Variants in TFAP2E observed in about 807,000 individuals in gnomAD.
The protein encoded by TFAP2E is transcription factor AP-2 epsilon.
In TFAP2E, 30 loss-of-function variants were observed where a neutral mutation model predicts 37.9. The observed-to-expected ratio is 0.79, with a 90% confidence interval of 0.59 to 1.07. TFAP2E has a LOEUF of 1.07. TFAP2E is among the 50% of genes least tolerant of loss of function. TFAP2E has a pLI of 0.00. For missense variants in TFAP2E, 567 were observed against 637.9 expected (o/e 0.89, Z 1.20); for synonymous variants, 318 against 295.8 (o/e 1.08, Z -0.77).
intron 3 of TFAP2E, among the ~76,000 whole-genome samples, chr1:35,576,835 C>T (rs1649187125): frequency 1.3e-5 from 2 of 152,206 alleles, no homozygotes; most frequent in South Asian, 4.1e-4. Context: ...CAGGTGGCGG[C>T]GCGCTGGCTC....
Position 35,573,940 on chromosome 1 carries a change from G to C in TFAP2E, c.41G>C (p.Gly14Ala), listed in dbSNP as rs1649085256. ...HTYSAMERPDGLGAAAGGARL... is the reference protein window; with the variant it reads ...HTYSAMERPDALGAAAGGARL... ...CTCCTTCCCCAGGAGCGCCCCGACG[G>C]GCTGGGAGCAGCTGCCGGCGGGGCC... is the stretch of plus-strand genomic sequence containing the variant. Residue 14 changes from glycine (G) to alanine (A), a missense_variant, in exon 2 of 7, where the codon GGG becomes GCG. Transcript: ENST00000373235. The surrounding 1 kb of genome is among the most constrained non-coding windows in gnomAD (Gnocchi z 5.9). 1.4e-6 allele frequency: 2 copies of C among 1,460,798 alleles called. No individual in the cohort carries two copies. Among genetic ancestry groups the C allele is most frequent in the Non-Finnish European group, 1.8e-6 (2 of 1,122,590 alleles). 90.5% of individuals were successfully genotyped at this position (1,460,798 alleles called of 1,614,324 possible).
intron 3 of TFAP2E, among the ~76,000 whole-genome samples, chr1:35,576,841 G>C (rs1441197541): frequency 6.6e-6 from 1 of 152,202 alleles, no homozygotes; most frequent in East Asian, 1.9e-4. Flanking sequence ...GCGGCGCGCT[G>C]GCTCCCTGGA....
rs1346912204 is a variant in TFAP2E, at chr1:35,588,487, G to A, written c.720G>A (p.Glu240=). Reference sequence around the variant, plus strand: ...CCAAGTACAAGGTGACGGTGGGGGAGGTGCAGCGGCGACTCTCGCCTCCCG... The same window carrying A: ...CCAAGTACAAGGTGACGGTGGGGGAAGTGCAGCGGCGACTCTCGCCTCCCG... ...STSKYKVTVG[E]VQRRLSPPEC... is the part of the protein sequence containing the mutation. Residue 240 remains glutamate (E), a synonymous_variant, in exon 4 of 7, where the codon GAG becomes GAA. Transcript: ENST00000373235. This position sits in a 1 kb window ranked among gnomAD's most constrained non-coding sequence, Gnocchi z 5.1. The A allele has an allele frequency of 7.5e-6, 12 of 1,608,342 alleles. No homozygotes were observed. Among genetic ancestry groups the A allele is most frequent in the Non-Finnish European group, 1.0e-5 (12 of 1,178,550 alleles).
chr1:35,575,097 C>A, intron 3 of TFAP2E, 97 bp downstream of exon 3: 1 of 1,490,702 alleles, frequency 6.7e-7, no homozygotes, highest in Non-Finnish European at 9.3e-7. Context: ...CTGTGTGTCG[C>A]CAGGCTGGGT....
At position 35,577,778 on chromosome 1, in the gene TFAP2E, G is replaced by C. The variant is rs995720821; in HGVS notation, c.562+2778G>C. On this transcript the variant is annotated intron_variant, in intron 3 of 6. Coordinates refer to ENST00000373235, the MANE Select transcript of TFAP2E (RefSeq NM_178548.4). The surrounding 1 kb of genome is among the most constrained non-coding windows in gnomAD (Gnocchi z 6.3). ...CTGACTGCAGGCAAGCGTCCGGGAG[G>C]GGCGGCCAGGCGAAGCCCCGGCGCT... 1 of 235,858 alleles carries C rather than the reference G, an allele frequency of 4.2e-6. No homozygotes were observed. The highest frequency in any genetic ancestry group is 2.3e-5 in the African/African-American group (1 of 43,948). 14.6% of individuals were successfully genotyped at this position (235,858 alleles called of 1,614,324 possible).
At chr1:35,585,412 T>TC (rs992937001) in intron 3 of TFAP2E, among the ~76,000 whole-genome samples, 4 of 152,060 alleles carry the variant, frequency 2.6e-5, no homozygotes, top group African/African-American at 9.7e-5. Flanking sequence ...CCTGCCAACC[T>TC]CCCCCACAGC....
Position 35,594,841 on chromosome 1 carries a change from G to A in TFAP2E, c.*165G>A, listed in dbSNP as rs1023710268. The A allele has an allele frequency of 6.7e-6, 7 of 1,044,936 alleles. No homozygotes were observed. In the African/African-American group the frequency reaches 9.7e-5, roughly 14 times the overall value. 64.7% of individuals were successfully genotyped at this position (1,044,936 alleles called of 1,614,324 possible). ...GGGGATCTGGCTTGGAGTAAGGGAGGGTGGCCTCTCTGTGGTGGTGTGTTG... is the reference window on the plus strand; with the variant it reads ...GGGGATCTGGCTTGGAGTAAGGGAGAGTGGCCTCTCTGTGGTGGTGTGTTG... On this transcript the variant is annotated 3_prime_UTR_variant, in exon 7 of 7. Coordinates refer to ENST00000373235, the MANE Select transcript of TFAP2E (RefSeq NM_178548.4).
chr1:35,573,486 C>T lies in TFAP2E; in HGVS notation c.-92C>T. ...GCTACCGCACCGTGACCTCCGCGGG[C>T]TGTGCCGGCTCCCGGCGCCTCTGCC... On this transcript the variant is annotated 5_prime_UTR_variant, in exon 1 of 7. Coordinates refer to ENST00000373235, the MANE Select transcript of TFAP2E (RefSeq NM_178548.4). This position sits in a 1 kb window ranked among gnomAD's most constrained non-coding sequence, Gnocchi z 5.9. 7.2e-7 allele frequency: 1 copy of T among 1,383,818 alleles called. No homozygotes were observed. The highest frequency in any genetic ancestry group is 9.3e-7 in the Non-Finnish European group (1 of 1,069,720). 85.7% of individuals were successfully genotyped at this position (1,383,818 alleles called of 1,614,324 possible).
chr1:35,574,350 G>T lies in TFAP2E; in HGVS notation c.451G>T (p.Ala151Ser). 1 of 1,449,076 alleles carries T rather than the reference G, an allele frequency of 6.9e-7. No individual in the cohort carries two copies. Among genetic ancestry groups the T allele is most frequent in the Non-Finnish European group, 9.0e-7 (1 of 1,113,356 alleles). The allele number at this position is 1,449,076 out of a possible 1,614,324, so 89.8% of individuals were successfully genotyped here. Residue 151 changes from alanine to serine, a missense_variant, in exon 2 of 7, where the codon GCA (alanine) becomes TCA (serine). Transcript: ENST00000373235. ...CCTGGCCGACGGCGCGCACGGCCTG[G>T]CAGACGCACCTCTCGGCCTTCCGGG... ...HGLADGAHGL[A>S]DAPLGLPGLA...
At position 35,586,172 on chromosome 1, in the gene TFAP2E, A is replaced by G. The variant is rs1274248964; in HGVS notation, c.563-2158A>G. 2.0e-5 allele frequency among the ~76,000 whole-genome samples: 3 copies of G among 152,232 alleles called. No individual in the cohort carries two copies. In the East Asian group the frequency reaches 5.8e-4, roughly 29 times the overall value. ...TGGGGACCCAGCAAGAGGGGCAGGC[A>G]GAGCCAGAACACAAGGGAGGGTGAA... On this transcript the variant is annotated intron_variant, in intron 3 of 6. Coordinates refer to ENST00000373235, the MANE Select transcript of TFAP2E (RefSeq NM_178548.4).
At chr1:35,574,448 G>A in intron 2 of TFAP2E, 39 bp downstream of exon 2, 3 of 1,367,500 alleles carry the variant, frequency 2.2e-6, no homozygotes, top group African/African-American at 1.5e-5. Flanking sequence ...GGGACTGGCC[G>A]CGGTGGTTTA....
At chr1:35,589,342 T>C (rs569442852) in intron 4 of TFAP2E, among the ~76,000 whole-genome samples, 1 of 151,834 alleles carries the variant, frequency 6.6e-6, no homozygotes, top group Non-Finnish European at 1.5e-5. Context: ...ACTCCTAGCG[T>C]CTTGGAGGAT....
chr1:35,589,493 CGTGTGTGTGT>C (rs67449985), intron 4 of TFAP2E, among the ~76,000 whole-genome samples: 1 of 118,280 alleles, frequency 8.5e-6, no homozygotes, highest in Non-Finnish European at 1.9e-5. Flanking sequence ...TATTCTTTCA[CGTGTGTGTGT>C]GTGTGTGTGT....
chr1:35,573,511 C>T lies in TFAP2E; in HGVS notation c.-67C>T, dbSNP rs370839954. ...CTGTGCCGGCTCCCGGCGCCTCTGCCCGCAGCGCTCGCCGTCGGGCTAGGG... is the reference window on the plus strand; with the variant it reads ...CTGTGCCGGCTCCCGGCGCCTCTGCTCGCAGCGCTCGCCGTCGGGCTAGGG... On this transcript the variant is annotated 5_prime_UTR_variant, in exon 1 of 7. Coordinates refer to ENST00000373235, the MANE Select transcript of TFAP2E (RefSeq NM_178548.4). The surrounding 1 kb of genome is among the most constrained non-coding windows in gnomAD (Gnocchi z 5.9). 18 of 1,446,776 alleles carry T rather than the reference C, an allele frequency of 1.2e-5. No homozygotes were observed. The African/African-American group carries it at 1.8e-4, about 14-fold the overall frequency. The allele number at this position is 1,446,776 out of a possible 1,614,324, so 89.6% of individuals were successfully genotyped here.
rs773136594 is a variant in TFAP2E at position 35,574,962 on chromosome 1, C to T, written c.524C>T (p.Pro175Leu). The T allele has an allele frequency of 1.2e-6, 2 of 1,613,936 alleles. No homozygotes were observed. The highest frequency in any genetic ancestry group is 8.5e-7 in the Non-Finnish European group (1 of 1,179,976). Residue 175 changes from proline (P) to leucine (L), a missense_variant, in exon 3 of 7, where the codon CCG becomes CTG. This residue lies in a region of TFAP2E where 312 missense variants were observed against 317.4 expected (regional missense o/e 0.98). Transcript: ENST00000373235. ...TGCTATTTGCAGGCAATGGACGAGC[C>T]GGGAATGAGCCTCCTAGACCAGTCC... The part of the protein sequence containing the change: ...GLEDLQAMDE[P>L]GMSLLDQSVI...
chr1:35,587,654 A>G (rs1571106150), intron 3 of TFAP2E, among the ~76,000 whole-genome samples: 1 of 141,734 alleles, frequency 7.1e-6, no homozygotes, highest in South Asian at 2.2e-4. Context: ...AAAAAAAAAA[A>G]AAGAAAGAAA....
chr1:35,581,980 A>G (rs1207205276), intron 3 of TFAP2E, among the ~76,000 whole-genome samples: 5 of 151,830 alleles, frequency 3.3e-5, no homozygotes, highest in African/African-American at 1.2e-4. Flanking sequence ...GGTTCAAGCA[A>G]TTCTCCTGCC....
In TFAP2E at chr1:35,594,698, T is replaced by G. The variant is rs574698916; in HGVS notation, c.*22T>G. The G allele has an allele frequency of 1.1e-5, 18 of 1,612,862 alleles. No individual in the cohort carries two copies. In the African/African-American group the frequency reaches 2.4e-4, roughly 22 times the overall value. On this transcript the variant is annotated 3_prime_UTR_variant, in exon 7 of 7. Coordinates refer to ENST00000373235, the MANE Select transcript of TFAP2E (RefSeq NM_178548.4). ...ATAACTGCTTCTCCCACCCCATCCCTAAGGGGCTCCCAGGCCCTGAAATAG... is the reference window on the plus strand; with the variant it reads ...ATAACTGCTTCTCCCACCCCATCCCGAAGGGGCTCCCAGGCCCTGAAATAG...
In TFAP2E at chr1:35,594,813, G is replaced by A; in HGVS notation, c.*137G>A. ...AGAACATTCATCCAGAGATCCCAGA[G>A]TTGGGGATCTGGCTTGGAGTAAGGG... On this transcript the variant is annotated 3_prime_UTR_variant, in exon 7 of 7. Coordinates refer to ENST00000373235, the MANE Select transcript of TFAP2E (RefSeq NM_178548.4). The A allele has an allele frequency of 6.7e-6, 9 of 1,344,706 alleles. No homozygotes were observed. Among genetic ancestry groups the A allele is most frequent in the Non-Finnish European group, 9.1e-6 (9 of 991,958 alleles). The allele number at this position is 1,344,706 out of a possible 1,614,324, so 83.3% of individuals were successfully genotyped here. A position where few individuals can be genotyped will look rare whatever the true frequency, so the allele number is the denominator to read the frequency against.
Sources: gnomAD v4.1 joint callset for allele counts (sites outside exome capture counted in the v4.1 genomes callset) on GRCh38, gnomAD v4.1.1 for gene constraint, gnomAD v4.1.1 regional missense constraint, Gnocchi (gnomAD v3.1) non-coding constraint, MANE v1.5 for transcripts, NCBI Gene and HGNC (gene_info 2026-07-23, HGNC 2026-07-21) for gene names.